The following MAP7 variants were observed in gnomAD, a reference collection of about 807,000 sequenced individuals.
MAP7 encodes microtubule associated protein 7, also known as ensconsin.
In MAP7, 52 loss-of-function variants were observed where a neutral mutation model predicts 94.8. That is an observed-to-expected ratio of 0.55 (90% CI 0.44 to 0.69). MAP7 has a LOEUF of 0.69. Ranked by LOEUF, MAP7 falls within the 30% of genes least tolerant of loss-of-function variation. MAP7 has a pLI of 0.00. For synonymous variants in MAP7, 350 were observed against 357.0 expected (o/e 0.98, Z 0.22); for missense variants, 940 against 964.6 (o/e 0.97, Z 0.34).
chr6:136,498,904 G>A (rs1470789528), intron 1 of MAP7, among the ~76,000 whole-genome samples: 1 of 151,702 alleles, frequency 6.6e-6, no homozygotes, highest in Non-Finnish European at 1.5e-5. Flanking sequence ...GCTCCATTTC[G>A]CTGAGATTTT....
At chr6:136,539,992 G>A (rs1184386296) in intron 1 of MAP7, among the ~76,000 whole-genome samples, 1 of 152,156 alleles carries the variant, frequency 6.6e-6, no homozygotes, top group Non-Finnish European at 1.5e-5. Context: ...AACAAAACCA[G>A]AAGTGCCTGT....
At chr6:136,486,116 T>G (rs762951040) in intron 1 of MAP7, among the ~76,000 whole-genome samples, 3 of 152,118 alleles carry the variant, frequency 2.0e-5, no homozygotes, top group Non-Finnish European at 4.4e-5. Flanking sequence ...ATTCTCTAAA[T>G]CCTAGATACA....
rs191345643 is a variant in MAP7, at chr6:136,430,747, T to A, written c.68-8948A>T. On this transcript the variant is annotated intron_variant, in intron 1 of 17. Transcript: ENST00000354570. ...CTGTCCTGTGCTGCAGTCATTTCTG[T>A]ATCTGTGACTGTGTTCTTTTTTCCC... 3.3e-5 allele frequency among the ~76,000 whole-genome samples: 5 copies of A among 152,338 alleles called. No homozygotes were observed. The East Asian group carries it at 9.6e-4, about 29-fold the overall frequency.
chr6:136,354,642 C>A (rs1346157461), intron 16 of MAP7, among the ~76,000 whole-genome samples: 2 of 151,762 alleles, frequency 1.3e-5, no homozygotes, highest in East Asian at 3.9e-4. Context: ...TATGTTTCTT[C>A]TAATGGTTTG....
intron 1 of MAP7, among the ~76,000 whole-genome samples, chr6:136,499,677 TG>T (rs1819298872): frequency 6.6e-6 from 1 of 152,160 alleles, no homozygotes; most frequent in South Asian, 2.1e-4. Context: ...CTCTGTGTTT[TG>T]TTTTTACAAA....
intron 1 of MAP7, among the ~76,000 whole-genome samples, chr6:136,428,676 G>T (rs1374888679): frequency 6.6e-6 from 1 of 152,158 alleles, no homozygotes; most frequent in East Asian, 1.9e-4. Flanking sequence ...GATAGGACTG[G>T]GCCATTTTCC....
intron 1 of MAP7, among the ~76,000 whole-genome samples, chr6:136,534,408 C>T (rs930005471): frequency 6.6e-6 from 1 of 152,230 alleles, no homozygotes; most frequent in Admixed American, 6.5e-5. Context: ...TTAAAGTCAA[C>T]TGATTGTAAA....
Position 136,366,037 on chromosome 6 carries a change from A to G in MAP7, c.990-19T>C. Reference sequence around the variant, plus strand: ...CGGAAGCCTGGGCCACAAACAAACAAGGCAGACAAAAGGGGACACATGAGA... The same window carrying G: ...CGGAAGCCTGGGCCACAAACAAACAGGGCAGACAAAAGGGGACACATGAGA... On this transcript the variant is annotated intron_variant, in intron 9 of 17. Coordinates refer to ENST00000354570, the MANE Select transcript of MAP7 (RefSeq NM_003980.6). The G allele has an allele frequency of 1.3e-6, 2 of 1,599,886 alleles. No homozygotes were observed. Among genetic ancestry groups the G allele is most frequent in the Admixed American group, 1.7e-5 (1 of 59,654 alleles).
chr6:136,352,495 T>C (rs1399573811), intron 16 of MAP7, among the ~76,000 whole-genome samples: 4 of 152,184 alleles, frequency 2.6e-5, no homozygotes, highest in African/African-American at 9.7e-5. Flanking sequence ...CCCTAAATTC[T>C]TTAGAATTCT....
At chr6:136,465,125 T>A (rs1156617450) in intron 1 of MAP7, among the ~76,000 whole-genome samples, 3 of 152,086 alleles carry the variant, frequency 2.0e-5, no homozygotes, top group Admixed American at 2.0e-4. Context: ...AGAGGACAGC[T>A]CCCCCTGCAC....
intron 5 of MAP7, among the ~76,000 whole-genome samples, chr6:136,384,576 T>C (rs1381718373): frequency 6.6e-6 from 1 of 151,996 alleles, no homozygotes; most frequent in East Asian, 1.9e-4. Context: ...CTCGATCTCC[T>C]GGGCTCAAGT....
chr6:136,512,836 CTT>C (rs76348621), intron 1 of MAP7, among the ~76,000 whole-genome samples: 15 of 136,800 alleles, frequency 1.1e-4, no homozygotes, highest in East Asian at 2.7e-4. Context: ...AATTTCTTCC[CTT>C]TTTTTTTTTT....
Position 136,374,978 on chromosome 6 carries a change from C to T in MAP7, c.752-2353G>A, listed in dbSNP as rs956849320. Among the ~76,000 whole-genome samples the T allele has an allele frequency of 2.6e-5, 4 of 151,926 alleles. No homozygotes were observed. In the East Asian group the frequency reaches 5.8e-4, roughly 22 times the overall value. On this transcript the variant is annotated intron_variant, in intron 7 of 17. Coordinates refer to ENST00000354570, the MANE Select transcript of MAP7 (RefSeq NM_003980.6). ...TTCATATCCCAAATAGTTAATTAAA[C>T]ATGAACACTGTCTCACGAAAATGTC...
At position 136,383,923 on chromosome 6, in the gene MAP7, G is replaced by A. The variant is rs555698263; in HGVS notation, c.527-142C>T. The A allele has an allele frequency of 1.2e-5, 7 of 589,392 alleles. No individual in the cohort carries two copies. The East Asian group carries it at 2.3e-4, about 20-fold the overall frequency. The allele number at this position is 589,392 out of a possible 1,614,324, so 36.5% of individuals were successfully genotyped here. On this transcript the variant is annotated intron_variant, in intron 5 of 17. Coordinates refer to ENST00000354570, the MANE Select transcript of MAP7 (RefSeq NM_003980.6). ...TCATAATAACACAGTTTTCTAAGTG[G>A]ACATTTTAAAGGTAACTTAAAGGCT...
intron 1 of MAP7, among the ~76,000 whole-genome samples, chr6:136,487,956 G>A (rs191517170): frequency 1.0e-3 from 157 of 152,190 alleles, no homozygotes; most frequent in Non-Finnish European, 1.9e-3. Context: ...CTGGGAAAAG[G>A]GCCTCTCAAA....
chr6:136,477,880 A>G (rs1427989837), intron 1 of MAP7, among the ~76,000 whole-genome samples: 2 of 152,250 alleles, frequency 1.3e-5, no homozygotes, highest in Non-Finnish European at 2.9e-5. Flanking sequence ...CACATGGATC[A>G]TTCTCAAGGT....
intron 16 of MAP7, among the ~76,000 whole-genome samples, chr6:136,347,653 C>T (rs1033885988): frequency 6.6e-6 from 1 of 152,054 alleles, no homozygotes; most frequent in Non-Finnish European, 1.5e-5. Flanking sequence ...TGATCTGCCC[C>T]CATCGGCCTC....
intron 6 of MAP7, among the ~76,000 whole-genome samples, chr6:136,380,726 C>A (rs1777504885): frequency 1.3e-5 from 2 of 152,176 alleles, no homozygotes; most frequent in African/African-American, 4.8e-5. Flanking sequence ...TCAGAGGTTT[C>A]TTTTAACCAA....
chr6:136,453,882 T>C (rs1801944858), intron 1 of MAP7, among the ~76,000 whole-genome samples: 1 of 152,250 alleles, frequency 6.6e-6, no homozygotes, highest in African/African-American at 2.4e-5. Flanking sequence ...TTATGACTGA[T>C]ACTTACATCA....
Sources: gnomAD v4.1 joint callset for allele counts (sites outside exome capture counted in the v4.1 genomes callset) on GRCh38, gnomAD v4.1.1 for gene constraint, MANE v1.5 for transcripts, NCBI Gene and HGNC (gene_info 2026-07-23, HGNC 2026-07-21) for gene names.